PARP12: variants seen among roughly 807,000 people sequenced by gnomAD.
The protein encoded by PARP12 is protein mono-ADP-ribosyltransferase PARP12.
In PARP12, 59 loss-of-function variants were observed where a neutral mutation model predicts 72.4. That is an observed-to-expected ratio of 0.81 (90% CI 0.66 to 1.01). The LOEUF (loss-of-function observed/expected upper bound fraction) is 1.01. Among genes scored for constraint, PARP12 ranks in the 50% least tolerant of loss-of-function variants. The pLI, the probability that PARP12 is intolerant of heterozygous loss-of-function variation, is 0.00. For synonymous variants in PARP12, 403 were observed against 371.4 expected, an observed-to-expected ratio of 1.09 and a Z score of -0.98; for missense variants, 851 against 914.0, an observed-to-expected ratio of 0.93 and a Z score of 0.89.
At position 140,028,945 on chromosome 7, in the gene PARP12, G is replaced by A. The variant is rs533157015; in HGVS notation, c.1422-257C>T. ...TGTGTCCCAACTACCACACAAAAGGGATAAAAGGGATGGAGTACATGGTTA... is the reference window on the plus strand; with the variant it reads ...TGTGTCCCAACTACCACACAAAAGGAATAAAAGGGATGGAGTACATGGTTA... On this transcript the variant is annotated intron_variant, in intron 8 of 11. Coordinates refer to ENST00000263549, the MANE Select transcript of PARP12 (RefSeq NM_022750.4). 3 of 321,422 alleles carry A rather than the reference G, an allele frequency of 9.3e-6. No homozygotes were observed. The East Asian group carries it at 2.7e-4, about 29-fold the overall frequency. The allele number at this position is 321,422 out of a possible 1,614,324, so 19.9% of individuals were successfully genotyped here.
At chr7:140,039,183 A>G (rs1448773668) in intron 6 of PARP12, among the ~76,000 whole-genome samples, 1 of 152,226 alleles carries the variant, frequency 6.6e-6, no homozygotes, top group East Asian at 1.9e-4. Context: ...CCAAGCCATT[A>G]GACTAGAGTC....
intron 3 of PARP12, among the ~76,000 whole-genome samples, chr7:140,055,775 G>GA (rs1817154424): frequency 6.6e-6 from 1 of 152,266 alleles, no homozygotes; most frequent in Admixed American, 6.5e-5. Context: ...TCCTACAACT[G>GA]AAAGAAATCA....
chr7:140,046,721 A>AGTGTGTGTGTGTGTGTGTGTGTGTGTGT (rs9340757), intron 5 of PARP12, among the ~76,000 whole-genome samples, 163 bp downstream of exon 5: 5 of 135,486 alleles, frequency 3.7e-5, no homozygotes, highest in South Asian at 2.5e-4. Context: ...GGTGGCTCAC[A>AGTGTGTGTGTGTGTGTGTGTGTGTGTGT]GTGTGTGTGT....
intron 1 of PARP12, among the ~76,000 whole-genome samples, chr7:140,058,556 G>A (rs374202575): frequency 2.0e-5 from 3 of 151,688 alleles, no homozygotes; most frequent in South Asian, 2.1e-4. Flanking sequence ...AAGACCATGC[G>A]AGGACATGGT....
intron 8 of PARP12, among the ~76,000 whole-genome samples, chr7:140,030,833 G>C (rs1239730924): frequency 6.6e-6 from 1 of 152,192 alleles, no homozygotes; most frequent in African/African-American, 2.4e-5. Flanking sequence ...GTTAGTGTTA[G>C]TGTATTTTAT....
rs1815737612 is a variant in PARP12, at chr7:140,026,333, C to T, written c.1644G>A (p.Met548Ile). The T allele has an allele frequency of 1.2e-6, 2 of 1,610,832 alleles. No individual in the cohort carries two copies. Among genetic ancestry groups the T allele is most frequent in the Non-Finnish European group, 1.7e-6 (2 of 1,179,622 alleles). The change falls in exon 11 of 12, where the codon ATG (methionine) becomes ATA (isoleucine). Residue 548 changes from methionine to isoleucine, a missense_variant. Met to Ile is a conservative substitution (Grantham distance 10, BLOSUM62 1). Transcript: ENST00000263549. Reference sequence around the variant, plus strand: ...CGGCCTTCCCTCCGTTCTGCTTCTGCATCTGTCCTTTTTGCCTAGAATCAC... The same window carrying T: ...CGGCCTTCCCTCCGTTCTGCTTCTGTATCTGTCCTTTTTGCCTAGAATCAC... Reference protein sequence around the residue: ...WEVYQWQKGQMQKQNGGKAVD... With the variant: ...WEVYQWQKGQIQKQNGGKAVD...
At chr7:140,055,433 G>T (rs2116654404) in intron 3 of PARP12, among the ~76,000 whole-genome samples, 1 of 152,240 alleles carries the variant, frequency 6.6e-6, no homozygotes, top group African/African-American at 2.4e-5. Context: ...CTAGCACCAT[G>T]CCAATGAGTC....
At chr7:140,032,486 A>G (rs1264164926) in intron 8 of PARP12, among the ~76,000 whole-genome samples, 1 of 152,122 alleles carries the variant, frequency 6.6e-6, no homozygotes, top group African/African-American at 2.4e-5. Context: ...CATACCTCCA[A>G]AATTTGAAAC....
intron 3 of PARP12, 24 bp downstream of exon 3, chr7:140,056,832 C>T (rs994018391): frequency 1.0e-5 from 16 of 1,572,508 alleles, no homozygotes; most frequent in African/African-American, 6.8e-5. Context: ...CCCCACCAGC[C>T]TTACCACTCC....
At position 140,024,836 on chromosome 7, in the gene PARP12, G is replaced by T. The variant is rs767193657; in HGVS notation, c.1830C>A (p.Ser610=). Residue 610 remains serine (S), a synonymous_variant, in exon 12 of 12, where the codon TCC becomes TCA. Transcript: ENST00000263549. ...DAAYSHHYSK[S]DTQTHTMFLA... Reference sequence around the variant, plus strand: ...GGAACATCGTGTGGGTCTGCGTGTCGGATTTGCTGTAGTGGTGGGAATATG... The same window carrying T: ...GGAACATCGTGTGGGTCTGCGTGTCTGATTTGCTGTAGTGGTGGGAATATG... 1 of 1,613,906 alleles carries T rather than the reference G, an allele frequency of 6.2e-7. No homozygotes were observed. Among genetic ancestry groups the T allele is most frequent in the South Asian group, 1.1e-5 (1 of 91,084 alleles).
chr7:140,032,769 T>A (rs1300913950), intron 8 of PARP12, among the ~76,000 whole-genome samples: 1 of 152,140 alleles, frequency 6.6e-6, no homozygotes, highest in Non-Finnish European at 1.5e-5. Flanking sequence ...TTTATATGTA[T>A]GTATGCAAAT....
intron 1 of PARP12, among the ~76,000 whole-genome samples, chr7:140,058,798 G>T (rs747420867): frequency 6.6e-6 from 1 of 152,162 alleles, no homozygotes; most frequent in Non-Finnish European, 1.5e-5. Flanking sequence ...AAGCACCAGA[G>T]AAAAACCAGC....
intron 11 of PARP12, 149 bp downstream of exon 11, chr7:140,026,048 T>C: frequency 8.3e-7 from 1 of 1,204,870 alleles, no homozygotes. Context: ...AGCAAGGATG[T>C]GACTGGTAGC....
At position 140,062,734 on chromosome 7, in the gene PARP12, C is replaced by T. The variant is rs1220693094; in HGVS notation, c.114G>A (p.Ala38=). The T allele has an allele frequency of 7.3e-7, 1 of 1,364,168 alleles. No homozygotes were observed. Among genetic ancestry groups the T allele is most frequent in the Non-Finnish European group, 9.5e-7 (1 of 1,051,858 alleles). The allele number at this position is 1,364,168 out of a possible 1,614,324, so 84.5% of individuals were successfully genotyped here. ...CACGCTGCCGCAGCAGCCGCTCCAG[C>T]GCGTCGGCGCTCAAGCCCATCCGCA... is the stretch of plus-strand genomic sequence containing the variant. ...RRLRMGLSAD[A]LERLLRQRGR... The change falls in exon 1 of 12, where the codon GCG becomes GCA. Residue 38 remains alanine (A), a synonymous_variant. Transcript: ENST00000263549.
At chr7:140,057,367 A>G (rs963847521) in intron 2 of PARP12, 4 of 582,318 alleles carry the variant, frequency 6.9e-6, no homozygotes, top group Non-Finnish European at 1.2e-5. Flanking sequence ...ACTGCACAGA[A>G]TCAGCCCCTC....
chr7:140,036,402 G>A (rs886646843), intron 7 of PARP12, among the ~76,000 whole-genome samples: 6 of 152,226 alleles, frequency 3.9e-5, no homozygotes, highest in African/African-American at 4.8e-5. Context: ...TGTGTGTCAG[G>A]CCGTGGAAAG....
intron 2 of PARP12, chr7:140,057,616 C>T: frequency 4.5e-6 from 2 of 446,530 alleles, no homozygotes; most frequent in Non-Finnish European, 8.0e-6. Context: ...ACCACCCTTT[C>T]ATTTCTCAAT....
chr7:140,026,314 TC>T lies in PARP12; in HGVS notation c.1662del (p.Lys555ArgfsTer98). On this transcript the variant is annotated frameshift_variant, in exon 11 of 12. Coordinates refer to ENST00000263549, the MANE Select transcript of PARP12 (RefSeq NM_022750.4). LOFTEE classifies it high-confidence loss of function. ...AACAGCTGCCGCTCGTCCACGGCCTTCCCTCCGTTCTGCTTCTGCATCTGTC... is the reference window on the plus strand; with the variant it reads ...AACAGCTGCCGCTCGTCCACGGCCTTCCTCCGTTCTGCTTCTGCATCTGTC... ...QKGQMQKQNGGKAVDERQLFH... is the reference protein window; with the variant it reads ...QKGQMQKQNGXKAVDERQLFH... 6.2e-7 allele frequency: 1 copy of T among 1,612,728 alleles called. No homozygotes were observed. The highest frequency in any genetic ancestry group is 8.5e-7 in the Non-Finnish European group (1 of 1,179,994).
chr7:140,060,895 C>G (rs1200770822), intron 1 of PARP12, among the ~76,000 whole-genome samples: 1 of 152,172 alleles, frequency 6.6e-6, no homozygotes, highest in Non-Finnish European at 1.5e-5. Flanking sequence ...CAAACCAGCC[C>G]AGCGCATTGG....
Sources: allele counts gnomAD v4.1 joint callset (sites outside exome capture counted in the v4.1 genomes callset), GRCh38; gene constraint gnomAD v4.1.1; transcripts MANE v1.5; gene names NCBI Gene and HGNC (gene_info 2026-07-23, HGNC 2026-07-21).